The following AGMO variants were observed in gnomAD, a reference collection of about 807,000 sequenced individuals.
AGMO encodes glyceryl-ether monooxygenase.
AGMO carries 75 observed loss-of-function variants against 60.2 expected under a neutral mutation model. That is an observed-to-expected ratio of 1.25 (90% CI 1.03 to 1.51). The LOEUF (loss-of-function observed/expected upper bound fraction) is 1.51. Among genes scored for constraint, AGMO ranks in the 40% most tolerant of loss-of-function variants. The pLI is 0.00. For synonymous variants in AGMO, 261 were observed against 177.1 expected, an observed-to-expected ratio of 1.47 and a Z score of -3.76; for missense variants, 763 against 525.5, an observed-to-expected ratio of 1.45 and a Z score of -4.42.
At chr7:15,234,018 C>T (rs1181099916) in intron 12 of AGMO, among the ~76,000 whole-genome samples, 1 of 152,158 alleles carries the variant, frequency 6.6e-6, no homozygotes. Flanking sequence ...CACTGCACTC[C>T]AGCCTGTGAG....
intron 12 of AGMO, among the ~76,000 whole-genome samples, chr7:15,357,223 G>A (rs1782572554): frequency 1.4e-5 from 2 of 148,126 alleles, no homozygotes; most frequent in South Asian, 2.2e-4. Context: ...GTGTGTGTGT[G>A]TGTGTTTCAC....
At chr7:15,512,317 G>A (rs1300189003) in intron 3 of AGMO, among the ~76,000 whole-genome samples, 1 of 152,056 alleles carries the variant, frequency 6.6e-6, no homozygotes, top group Admixed American at 6.6e-5. Context: ...GTGCAGAGGC[G>A]CCAACACGGC....
chr7:15,487,589 A>C (rs1173344053), intron 3 of AGMO, among the ~76,000 whole-genome samples: 1 of 152,122 alleles, frequency 6.6e-6, no homozygotes, highest in African/African-American at 2.4e-5. Context: ...GTATGTTTAA[A>C]TGTTTCAAAC....
the AGMO span, among the ~76,000 whole-genome samples, chr7:15,156,013 G>A: frequency 6.6e-6 from 1 of 152,204 alleles, no homozygotes. Context: ...TGTGCTAGAG[G>A]GGTTGAGGTA....
At chr7:15,291,761 G>C (rs1407551498) in intron 12 of AGMO, among the ~76,000 whole-genome samples, 17 of 152,232 alleles carry the variant, frequency 1.1e-4, no homozygotes, top group Admixed American at 1.1e-3. Context: ...AGAAACATCA[G>C]GGGACAAATG....
intron 12 of AGMO, among the ~76,000 whole-genome samples, chr7:15,207,721 T>C (rs1218009764): frequency 1.3e-5 from 2 of 152,086 alleles, no homozygotes; most frequent in African/African-American, 4.8e-5. Flanking sequence ...GATCACGAGG[T>C]CAGGAGATCG....
chr7:15,346,149 T>G lies in AGMO; in HGVS notation c.1263+19365A>C, dbSNP rs191128982. 1.4e-4 allele frequency among the ~76,000 whole-genome samples: 22 copies of G among 152,276 alleles called. No individual in the cohort carries two copies. The East Asian group carries it at 4.1e-3, about 28-fold the overall frequency. On this transcript the variant is annotated intron_variant, in intron 12 of 12. Transcript: ENST00000342526. ...CAGATAAGTTTTGCCATATAAAAGC[T>G]ATGCTTTTCAAACTGGAAACAGGCA...
At chr7:15,411,556 C>T (rs891817083) in intron 5 of AGMO, among the ~76,000 whole-genome samples, 21 of 151,654 alleles carry the variant, frequency 1.4e-4, no homozygotes, top group African/African-American at 4.6e-4. Flanking sequence ...TGTGTATTTA[C>T]AATATTCATA....
intron 12 of AGMO, among the ~76,000 whole-genome samples, chr7:15,322,720 A>G (rs1401986221): frequency 4.7e-5 from 2 of 42,422 alleles, no homozygotes; most frequent in African/African-American, 2.9e-4. Flanking sequence ...ATATAAATAT[A>G]TAAATATATA....
chr7:15,391,010 C>A (rs933604536), intron 6 of AGMO, 105 bp from the exon 7 acceptor site: 1 of 706,404 alleles, frequency 1.4e-6, no homozygotes, highest in Admixed American at 3.1e-5. Flanking sequence ...CAGATTTAAA[C>A]AGGGTACAAT....
intron 12 of AGMO, among the ~76,000 whole-genome samples, chr7:15,203,922 T>C (rs1045476980): frequency 1.3e-5 from 2 of 152,186 alleles, no homozygotes; most frequent in African/African-American, 4.8e-5. Context: ...GTTATTTTTC[T>C]TCTTGTGTCA....
At chr7:15,259,746 C>A (rs767562673) in intron 12 of AGMO, among the ~76,000 whole-genome samples, 18 of 151,628 alleles carry the variant, frequency 1.2e-4, no homozygotes, top group Non-Finnish European at 2.4e-4. Context: ...GGATTTGGGT[C>A]CTATTTTTAG....
intron 3 of AGMO, among the ~76,000 whole-genome samples, chr7:15,486,937 T>A (rs1335992984): frequency 6.6e-6 from 1 of 152,214 alleles, no homozygotes; most frequent in African/African-American, 2.4e-5. Context: ...ATGTCTTTCT[T>A]TGGCTGTCCC....
At chr7:15,432,478 T>A (rs1418985187) in intron 3 of AGMO, among the ~76,000 whole-genome samples, 3 of 150,934 alleles carry the variant, frequency 2.0e-5, no homozygotes, top group Admixed American at 6.6e-5. Context: ...AGAAAAAAGG[T>A]CTTGGTAAAC....
chr7:15,220,872 A>C (rs1370685939), intron 12 of AGMO, among the ~76,000 whole-genome samples: 1 of 152,114 alleles, frequency 6.6e-6, no homozygotes, highest in Non-Finnish European at 1.5e-5. Flanking sequence ...AAATTAATCT[A>C]ATTTTAAATA....
intron 12 of AGMO, among the ~76,000 whole-genome samples, chr7:15,325,449 A>AT (rs140914529): frequency 0.36 from 54,238 of 151,952 alleles, 11,260 homozygotes; most frequent in Admixed American, 0.48. Flanking sequence ...TAAAAAGCTT[A>AT]TTTTTAATTA....
chr7:15,280,473 G>T (rs1159391144), intron 12 of AGMO, among the ~76,000 whole-genome samples: 1 of 152,172 alleles, frequency 6.6e-6, no homozygotes, highest in Admixed American at 6.5e-5. Flanking sequence ...GTGCAGGCCT[G>T]CCTGACCCAG....
chr7:15,373,112 AAAT>A (rs1238859979), intron 10 of AGMO, among the ~76,000 whole-genome samples: 1 of 151,970 alleles, frequency 6.6e-6, no homozygotes, highest in Non-Finnish European at 1.5e-5. Context: ...AAAAACACAA[AAAT>A]AATACAAAAA....
At chr7:15,148,055 A>C in the AGMO span, among the ~76,000 whole-genome samples, 19 of 152,254 alleles carry the variant, frequency 1.2e-4, no homozygotes, top group East Asian at 3.3e-3. Flanking sequence ...AGAAGGAATC[A>C]ATTATTAATA....
Sources: allele counts gnomAD v4.1 joint callset (sites outside exome capture counted in the v4.1 genomes callset), GRCh38; gene constraint gnomAD v4.1.1; transcripts MANE v1.5; gene names NCBI Gene and HGNC (gene_info 2026-07-23, HGNC 2026-07-21).